The following RAB2A variants were observed in gnomAD, a reference collection of about 807,000 sequenced individuals.
RAB2A encodes ras-related protein Rab-2A.
In RAB2A, 7 loss-of-function variants were observed where a neutral mutation model predicts 32.5. That is an observed-to-expected ratio of 0.22 (90% CI 0.12 to 0.40). The LOEUF is 0.40. Ranked by LOEUF, RAB2A falls within the 10% of genes least tolerant of loss-of-function variation. The probability of loss-of-function intolerance (pLI) is 1.00; values close to 1 mark genes in which losing one functional copy is unlikely to be tolerated. For synonymous variants in RAB2A, 79 were observed against 85.2 expected, an observed-to-expected ratio of 0.93 and a Z score of 0.40; for missense variants, 108 against 260.7, an observed-to-expected ratio of 0.41 and a Z score of 4.03.
intron 6 of RAB2A, among the ~76,000 whole-genome samples, chr8:60,600,847 G>T (rs936890250): frequency 1.3e-5 from 2 of 152,190 alleles, no homozygotes; most frequent in African/African-American, 4.8e-5. Context: ...TCCCATCTGT[G>T]TAACTTTCTT....
intron 3 of RAB2A, among the ~76,000 whole-genome samples, chr8:60,574,327 A>G (rs893919418): frequency 6.6e-6 from 1 of 152,120 alleles, no homozygotes; most frequent in African/African-American, 2.4e-5. Flanking sequence ...GGATCCACCT[A>G]TATCTTATGC....
chr8:60,592,922 A>G (rs1413235881), intron 6 of RAB2A, among the ~76,000 whole-genome samples: 1 of 152,234 alleles, frequency 6.6e-6, no homozygotes, highest in Non-Finnish European at 1.5e-5. Context: ...TACAGAAAGT[A>G]GTTCTAAAAA....
At chr8:60,601,128 A>G (rs1804127614) in intron 6 of RAB2A, among the ~76,000 whole-genome samples, 1 of 152,200 alleles carries the variant, frequency 6.6e-6, no homozygotes, top group Non-Finnish European at 1.5e-5. Flanking sequence ...ATAAAATACT[A>G]ATGTTAGAAT....
intron 6 of RAB2A, among the ~76,000 whole-genome samples, chr8:60,599,133 G>A (rs1431566321): frequency 2.6e-5 from 4 of 151,870 alleles, no homozygotes; most frequent in Admixed American, 2.0e-4. Flanking sequence ...CTATGTTTTA[G>A]CCATGAAAAC....
In RAB2A at chr8:60,598,949, A is replaced by C. The variant is rs911966984; in HGVS notation, c.474+6980A>C. Among the ~76,000 whole-genome samples the C allele has an allele frequency of 1.4e-4, 21 of 147,624 alleles. 1 individual carries two copies. Among genetic ancestry groups the C allele is most frequent in the Non-Finnish European group, 3.0e-4 (20 of 66,972 alleles). On this transcript the variant is annotated intron_variant, in intron 6 of 7. Transcript: ENST00000262646. ...CAGTGCAGTAAAGCAAAAAAAAAAAAAAAAAAAAAAAAAAAAAGAAAAGGC... is the reference window on the plus strand; with the variant it reads ...CAGTGCAGTAAAGCAAAAAAAAAAACAAAAAAAAAAAAAAAAAGAAAAGGC...
At chr8:60,565,417 C>CAAA (rs34983530) in intron 2 of RAB2A, among the ~76,000 whole-genome samples, 16,769 of 110,960 alleles carry the variant, frequency 0.15, 1,251 homozygotes, top group East Asian at 0.28. Flanking sequence ...AGACCTGCCT[C>CAAA]AAAAAAAAAA....
At chr8:60,541,901 C>A (rs1807651610) in intron 1 of RAB2A, among the ~76,000 whole-genome samples, 1 of 152,148 alleles carries the variant, frequency 6.6e-6, no homozygotes, top group Non-Finnish European at 1.5e-5. Context: ...TCTTTCTCTT[C>A]TAGCATTGAC....
chr8:60,604,331 CT>C (rs1246718925), intron 6 of RAB2A, among the ~76,000 whole-genome samples: 1 of 152,148 alleles, frequency 6.6e-6, no homozygotes, highest in African/African-American at 2.4e-5. Flanking sequence ...TCAGGTATTT[CT>C]TTATAACAGC....
intron 1 of RAB2A, 93 bp downstream of exon 1, chr8:60,517,346 TC>T: frequency 8.4e-7 from 1 of 1,189,516 alleles, no homozygotes; most frequent in Non-Finnish European, 1.1e-6. Context: ...GGACGCGGAC[TC>T]CACCCGGCGC....
intron 6 of RAB2A, among the ~76,000 whole-genome samples, chr8:60,612,953 T>C (rs979463666): frequency 6.6e-6 from 1 of 152,174 alleles, no homozygotes; most frequent in Non-Finnish European, 1.5e-5. Flanking sequence ...TTGGATGATA[T>C]ACGAGTTTTT....
At chr8:60,537,669 A>G (rs1008642082) in intron 1 of RAB2A, among the ~76,000 whole-genome samples, 2 of 152,156 alleles carry the variant, frequency 1.3e-5, no homozygotes, top group African/African-American at 4.8e-5. Flanking sequence ...AGAGGTATTT[A>G]TAACTGTTTT....
At chr8:60,522,251 A>G (rs73257486) in intron 1 of RAB2A, among the ~76,000 whole-genome samples, 12,463 of 152,216 alleles carry the variant, frequency 0.082, 1,544 homozygotes, top group African/African-American at 0.27. Flanking sequence ...GTCAGGGACT[A>G]TTGGTTGAAA....
At chr8:60,527,514 A>G (rs1807411016) in intron 1 of RAB2A, among the ~76,000 whole-genome samples, 1 of 152,204 alleles carries the variant, frequency 6.6e-6, no homozygotes, top group Non-Finnish European at 1.5e-5. Context: ...AGGAAGGGCC[A>G]TGCCTTATTA....
At chr8:60,609,296 T>C (rs950222991) in intron 6 of RAB2A, among the ~76,000 whole-genome samples, 1 of 152,228 alleles carries the variant, frequency 6.6e-6, no homozygotes, top group African/African-American at 2.4e-5. Context: ...CTGGAATGTG[T>C]TCCATGACAC....
intron 7 of RAB2A, 124 bp downstream of exon 7, chr8:60,618,772 T>C (rs899509555): frequency 7.3e-5 from 24 of 326,782 alleles, no homozygotes; most frequent in African/African-American, 5.3e-4. Flanking sequence ...TCAATCATGA[T>C]AATCAGTTAA....
chr8:60,542,036 C>A (rs1290557632), intron 1 of RAB2A, among the ~76,000 whole-genome samples: 2 of 152,128 alleles, frequency 1.3e-5, no homozygotes, highest in Non-Finnish European at 2.9e-5. Flanking sequence ...CCCTCCCCTA[C>A]CTCACCAAAA....
At chr8:60,538,552 A>G (rs1807591313) in intron 1 of RAB2A, among the ~76,000 whole-genome samples, 1 of 152,230 alleles carries the variant, frequency 6.6e-6, no homozygotes, top group African/African-American at 2.4e-5. Flanking sequence ...CATGGAAGGA[A>G]GGACAGATCT....
chr8:60,597,880 G>A (rs1417268263), intron 6 of RAB2A, among the ~76,000 whole-genome samples: 1 of 152,172 alleles, frequency 6.6e-6, no homozygotes, highest in East Asian at 1.9e-4. Context: ...ACATAAAAGA[G>A]GTAATTAGGG....
At chr8:60,532,960 A>G (rs1807499592) in intron 1 of RAB2A, among the ~76,000 whole-genome samples, 1 of 152,258 alleles carries the variant, frequency 6.6e-6, no homozygotes, top group Non-Finnish European at 1.5e-5. Flanking sequence ...TGGTTGAAAG[A>G]GCTAATATGT....
Sources: allele counts gnomAD v4.1 joint callset (sites outside exome capture counted in the v4.1 genomes callset), GRCh38; gene constraint gnomAD v4.1.1; transcripts MANE v1.5; gene names NCBI Gene and HGNC (gene_info 2026-07-23, HGNC 2026-07-21).